FBXW4: variants seen among roughly 807,000 people sequenced by gnomAD.
The protein encoded by FBXW4 is F-box and WD repeat domain containing 4.
Under a neutral mutation model 61.8 loss-of-function variants are expected in FBXW4, and 40 were observed. The ratio of observed to expected loss-of-function variants is 0.65; its 90% CI spans 0.50 to 0.84. The LOEUF (loss-of-function observed/expected upper bound fraction) is 0.84, where lower values mean the gene tolerates loss of function less well. FBXW4 is among the 40% of genes least tolerant of loss of function. FBXW4 has a pLI of 0.00. For missense variants in FBXW4, 672 were observed against 753.8 expected, an observed-to-expected ratio of 0.89 and a Z score of 1.27; for synonymous variants, 311 against 313.8, an observed-to-expected ratio of 0.99 and a Z score of 0.10.
chr10:101,627,918 A>G, intron 5 of FBXW4: 1 of 978,552 alleles, frequency 1.0e-6, no homozygotes, highest in Non-Finnish European at 1.2e-6. Context: ...CATCACAGGC[A>G]GTCTCACTGG....
At chr10:101,626,924 T>G (rs3095790) in intron 5 of FBXW4, 44,530 of 152,102 alleles carry the variant, frequency 0.29, 6,967 homozygotes, top group African/African-American at 0.35. Context: ...ATGAGGGTGG[T>G]GTGGGGATGT....
At chr10:101,695,199 A>G, upstream of FBXW4, 2 of 985,106 alleles carry the variant, frequency 2.0e-6, no homozygotes, top group Non-Finnish European at 2.4e-6. This position sits in a 1 kb window ranked among gnomAD's most constrained non-coding sequence, Gnocchi z 4.2. Context: ...ACCGGGTCAC[A>G]TGGGGCGGCG....
intron 5 of FBXW4, among the ~76,000 whole-genome samples, chr10:101,658,476 C>T (rs1312857038): frequency 1.3e-5 from 2 of 152,064 alleles, no homozygotes; most frequent in Non-Finnish European, 2.9e-5. Flanking sequence ...ACCCAGGAGG[C>T]GGAAGTTGCA....
chr10:101,621,074 C>T (rs900591193), intron 6 of FBXW4, among the ~76,000 whole-genome samples: 2 of 152,192 alleles, frequency 1.3e-5, no homozygotes, highest in African/African-American at 4.8e-5. Context: ...GTGATGATGC[C>T]AAACACAAGG....
At chr10:101,656,839 T>A (rs1162073174) in intron 5 of FBXW4, among the ~76,000 whole-genome samples, 1 of 152,186 alleles carries the variant, frequency 6.6e-6, no homozygotes, top group Non-Finnish European at 1.5e-5. Context: ...CTCTTGTTAC[T>A]TGAAATTCTC....
intron 1 of FBXW4, among the ~76,000 whole-genome samples, chr10:101,683,006 G>GA (rs1249500928): frequency 1.3e-5 from 2 of 152,146 alleles, no homozygotes; most frequent in Non-Finnish European, 2.9e-5. Flanking sequence ...TTCAGCACCT[G>GA]AAAAATCCAA....
intron 5 of FBXW4, among the ~76,000 whole-genome samples, chr10:101,653,183 T>C (rs1299324377): frequency 1.3e-5 from 2 of 152,216 alleles, no homozygotes; most frequent in African/African-American, 2.4e-5. Context: ...GATTTTTTCC[T>C]ACATAGTTTT....
chr10:101,623,829 A>AAAGTGAC (rs1345089784), intron 6 of FBXW4, among the ~76,000 whole-genome samples: 2 of 152,232 alleles, frequency 1.3e-5, no homozygotes, highest in African/African-American at 4.8e-5. Flanking sequence ...CCAGTTTCAA[A>AAAGTGAC]AAGTGACATA....
chr10:101,668,397 A>G (rs572255952), intron 4 of FBXW4, among the ~76,000 whole-genome samples: 1 of 152,298 alleles, frequency 6.6e-6, no homozygotes, highest in African/African-American at 2.4e-5. Flanking sequence ...AGGGAAGAAG[A>G]TCAAGGCATA....
rs1171936509 is a variant in FBXW4 at position 101,694,173 on chromosome 10, G to C, written c.725+208C>G. Among the ~76,000 whole-genome samples the C allele has an allele frequency of 4.6e-5, 7 of 152,148 alleles. No homozygotes were observed. Among genetic ancestry groups the C allele is most frequent in the Non-Finnish European group, 2.9e-5 (2 of 68,018 alleles). ...AGGGTGCCTACTGAGGGATGCTCTC[G>C]GGAGGCTGCCTCAGATGGAGGCCTT... On this transcript the variant is annotated intron_variant, in intron 1 of 8. Coordinates refer to ENST00000331272, the MANE Select transcript of FBXW4 (RefSeq NM_022039.4). The surrounding 1 kb of genome is among the most constrained non-coding windows in gnomAD (Gnocchi z 6.0).
At chr10:101,619,394 C>G (rs2063850302) in intron 6 of FBXW4, among the ~76,000 whole-genome samples, 2 of 152,144 alleles carry the variant, frequency 1.3e-5, no homozygotes, top group Non-Finnish European at 2.9e-5. Context: ...CGCAGTGGCT[C>G]ACACCTGTAA....
intron 4 of FBXW4, among the ~76,000 whole-genome samples, chr10:101,670,001 C>T (rs547372491): frequency 1.1e-3 from 164 of 152,102 alleles, no homozygotes; most frequent in African/African-American, 3.8e-3. Context: ...ATGATCCACC[C>T]GCCTCAGCCT....
intron 1 of FBXW4, among the ~76,000 whole-genome samples, chr10:101,692,346 A>G (rs1488503137): frequency 6.6e-6 from 1 of 151,350 alleles, no homozygotes; most frequent in Non-Finnish European, 1.5e-5. Flanking sequence ...ATATGGCAAA[A>G]TAAGCTGTCC....
At chr10:101,619,154 C>G (rs2063848417) in intron 6 of FBXW4, among the ~76,000 whole-genome samples, 1 of 152,166 alleles carries the variant, frequency 6.6e-6, no homozygotes, top group Non-Finnish European at 1.5e-5. Flanking sequence ...ATCACAGGGC[C>G]TAGCTAGGGA....
At chr10:101,662,536 A>C (rs11191078) in intron 5 of FBXW4, among the ~76,000 whole-genome samples, 3,961 of 152,292 alleles carry the variant, frequency 0.026, 174 homozygotes, top group African/African-American at 0.087. Flanking sequence ...CTACACCTAT[A>C]CCACTCATAT....
rs1037554733 is a variant in FBXW4, at chr10:101,638,191, C to T, written c.1236-13381G>A. On this transcript the variant is annotated intron_variant, in intron 5 of 8. Transcript: ENST00000331272. Reference sequence around the variant, plus strand: ...AAGGACTGTTTGTAACAGCAAGACACTGGAAATAACCTACGTGTCCATCAG... The same window carrying T: ...AAGGACTGTTTGTAACAGCAAGACATTGGAAATAACCTACGTGTCCATCAG... Among the ~76,000 whole-genome samples, 10 of 152,090 alleles carry T rather than the reference C, an allele frequency of 6.6e-5. 1 individual carries two copies. Among genetic ancestry groups the T allele is most frequent in the African/African-American group, 1.7e-4 (7 of 41,414 alleles).
At chr10:101,647,370 G>A (rs1441864363) in intron 5 of FBXW4, among the ~76,000 whole-genome samples, 1 of 152,138 alleles carries the variant, frequency 6.6e-6, no homozygotes, top group Non-Finnish European at 1.5e-5. Context: ...CTACTTGCTG[G>A]GTAGTTCTTT....
chr10:101,676,510 G>A, intron 1 of FBXW4, 74 bp from the exon 2 acceptor site: 1 of 1,213,434 alleles, frequency 8.2e-7, no homozygotes, highest in Non-Finnish European at 1.2e-6. Context: ...TGGGCTTACT[G>A]AGTCAGGATT....
At chr10:101,686,027 A>C (rs1442009767) in intron 1 of FBXW4, among the ~76,000 whole-genome samples, 1 of 151,138 alleles carries the variant, frequency 6.6e-6, no homozygotes, top group Admixed American at 6.6e-5. Flanking sequence ...GTATCTTAAC[A>C]TGGCACCCAC....
Sources: gnomAD v4.1 joint callset for allele counts (sites outside exome capture counted in the v4.1 genomes callset) on GRCh38, gnomAD v4.1.1 for gene constraint, Gnocchi (gnomAD v3.1) non-coding constraint, MANE v1.5 for transcripts, NCBI Gene and HGNC (gene_info 2026-07-23, HGNC 2026-07-21) for gene names.